ARPP19: variants seen among roughly 807,000 people sequenced by gnomAD.
The protein encoded by ARPP19 is cAMP-regulated phosphoprotein 19.
A neutral mutation model predicts 12.0 loss-of-function variants in ARPP19; 8 were observed. The ratio of observed to expected loss-of-function variants is 0.67; its 90% CI spans 0.39 to 1.21. ARPP19 has a LOEUF of 1.21. ARPP19 is among the 50% of genes most tolerant of loss of function. The probability of loss-of-function intolerance (pLI) is 0.01; values close to 1 mark genes in which losing one functional copy is unlikely to be tolerated. For synonymous variants in ARPP19, 47 were observed against 50.4 expected, an observed-to-expected ratio of 0.93 and a Z score of 0.29; for missense variants, 102 against 136.3, an observed-to-expected ratio of 0.75 and a Z score of 1.25.
chr15:52,558,833 C>G (rs3794556), intron 1 of ARPP19, among the ~76,000 whole-genome samples: 14,159 of 150,398 alleles, frequency 0.094, 981 homozygotes, highest in African/African-American at 0.19. Flanking sequence ...CCTTTGTACC[C>G]ACGGGGGGGA....
intron 1 of ARPP19, among the ~76,000 whole-genome samples, chr15:52,558,413 G>A (rs2078001382): frequency 6.7e-6 from 1 of 150,342 alleles, no homozygotes; most frequent in Non-Finnish European, 1.5e-5. Flanking sequence ...TCACACCACT[G>A]CACTCTAGCC....
intron 1 of ARPP19, among the ~76,000 whole-genome samples, chr15:52,559,551 C>G (rs2078013429): frequency 6.6e-6 from 1 of 152,152 alleles, no homozygotes; most frequent in Non-Finnish European, 1.5e-5. Context: ...ATGATTATGC[C>G]TTCTCTAGAA....
At chr15:52,556,997 C>A (rs1595863428) in intron 2 of ARPP19, 103 bp downstream of exon 2, 1 of 1,276,230 alleles carries the variant, frequency 7.8e-7, no homozygotes, top group East Asian at 2.3e-5. Context: ...ATGTACATAC[C>A]TGATAAAGTA....
At chr15:52,562,372 TA>T (rs2078041751) in intron 1 of ARPP19, among the ~76,000 whole-genome samples, 1 of 152,120 alleles carries the variant, frequency 6.6e-6, no homozygotes, top group Admixed American at 6.5e-5. Context: ...AAAAAAATTA[TA>T]AATCTCTAAT....
chr15:52,567,254 A>G (rs1196890415), intron 1 of ARPP19, among the ~76,000 whole-genome samples: 2 of 152,232 alleles, frequency 1.3e-5, no homozygotes, highest in Non-Finnish European at 2.9e-5. Flanking sequence ...AAGCACCTTA[A>G]ATGTTTAATG....
chr15:52,559,569 A>C (rs1018207632), intron 1 of ARPP19, among the ~76,000 whole-genome samples: 1 of 152,194 alleles, frequency 6.6e-6, no homozygotes, highest in Non-Finnish European at 1.5e-5. Context: ...GAATTTTGTC[A>C]AGGGTGATTT....
At chr15:52,568,007 G>A (rs778336325) in intron 1 of ARPP19, among the ~76,000 whole-genome samples, 4 of 152,200 alleles carry the variant, frequency 2.6e-5, no homozygotes, top group Non-Finnish European at 4.4e-5. Flanking sequence ...GGGCAGGGCG[G>A]TGGAAATAAT....
chr15:52,564,225 A>C, intron 1 of ARPP19: 4 of 1,534,932 alleles, frequency 2.6e-6, no homozygotes, highest in Non-Finnish European at 3.5e-6. Context: ...TGCAGAGACC[A>C]AGGGAGCATG....
chr15:52,552,144 C>A, intron 2 of ARPP19, 40 bp from the exon 3 acceptor site: 1 of 1,276,846 alleles, frequency 7.8e-7, no homozygotes, highest in Non-Finnish European at 1.1e-6. Context: ...TAGAGCTTAG[C>A]AATTACTGAT....
At chr15:52,569,042 G>A (rs2078116583), upstream of ARPP19, 2 of 616,790 alleles carry the variant, frequency 3.2e-6, no homozygotes, top group Middle Eastern at 4.0e-4. Context: ...ACACGGAGCC[G>A]CGAAACGCTC....
At chr15:52,557,335 A>G in intron 1 of ARPP19, 113 bp from the exon 2 acceptor site, 1 of 828,438 alleles carries the variant, frequency 1.2e-6, no homozygotes, top group Admixed American at 2.9e-5. Context: ...GTACCACAGC[A>G]TCTGACTAAG....
intron 1 of ARPP19, 146 bp downstream of exon 1, chr15:52,568,702 G>A (rs1345684757): frequency 1.4e-5 from 7 of 515,328 alleles, no homozygotes; most frequent in Non-Finnish European, 2.4e-5. Context: ...GCCAGCGACG[G>A]CGGGAAGCCA....
rs955898706 is a variant in ARPP19 at position 52,547,120 on chromosome 15, A to T, written c.*4814T>A. On this transcript the variant is annotated 3_prime_UTR_variant, in exon 3 of 3. Transcript: ENST00000249822. ...TGCAAAAAAAAAAAAAAAATCAAAG[A>T]TTACAAGTCAGTTTCTTCCTGCATA... 2.0e-5 allele frequency: 3 copies of T among 151,754 alleles called. No individual in the cohort carries two copies. Among genetic ancestry groups the T allele is most frequent in the African/African-American group, 7.3e-5 (3 of 41,330 alleles). The allele number at this position is 151,754 out of a possible 1,614,324, so 9.4% of individuals were successfully genotyped here.
intron 1 of ARPP19, among the ~76,000 whole-genome samples, chr15:52,563,973 T>C (rs950198742): frequency 6.6e-6 from 1 of 152,230 alleles, no homozygotes; most frequent in Admixed American, 6.5e-5. Context: ...AATGTACTTG[T>C]TTCCATAAAG....
upstream of ARPP19, chr15:52,569,348 C>T (rs1206336913): frequency 1.5e-5 from 3 of 200,254 alleles, no homozygotes; most frequent in African/African-American, 2.4e-5. Context: ...CTGTTCTCCT[C>T]GCTCTCCGCT....
chr15:52,549,334 A>G lies in ARPP19; in HGVS notation c.*2600T>C, dbSNP rs1595858741. Reference sequence around the variant, plus strand: ...GATCCAATAGCTTACAAATGTCTTCAATAAACTGAGCTTTGAGGCAGAACA... The same window carrying G: ...GATCCAATAGCTTACAAATGTCTTCGATAAACTGAGCTTTGAGGCAGAACA... On this transcript the variant is annotated 3_prime_UTR_variant, in exon 3 of 3. Coordinates refer to ENST00000249822, the MANE Select transcript of ARPP19 (RefSeq NM_006628.6). The G allele has an allele frequency of 1.3e-5, 2 of 152,644 alleles. No individual in the cohort carries two copies. Among genetic ancestry groups the G allele is most frequent in the Middle Eastern group, 6.8e-3 (2 of 294 alleles). The allele number at this position is 152,644 out of a possible 1,614,324, so 9.5% of individuals were successfully genotyped here. A position where few individuals can be genotyped will look rare whatever the true frequency, so the allele number is the denominator to read the frequency against.
chr15:52,566,802 A>G (rs915618498), intron 1 of ARPP19, among the ~76,000 whole-genome samples: 1 of 149,170 alleles, frequency 6.7e-6, no homozygotes, highest in South Asian at 2.1e-4. Context: ...ATGTTTGTAC[A>G]TATTGTTTCC....
chr15:52,556,138 A>G (rs1220260966), intron 2 of ARPP19, among the ~76,000 whole-genome samples: 1 of 151,980 alleles, frequency 6.6e-6, no homozygotes, highest in Non-Finnish European at 1.5e-5. Context: ...ATACCATTCT[A>G]TTTTTTGCCA....
intron 1 of ARPP19, 77 bp downstream of exon 1, chr15:52,568,771 C>A: frequency 9.1e-7 from 1 of 1,095,892 alleles, no homozygotes; most frequent in Non-Finnish European, 1.3e-6. Flanking sequence ...CGGGCGCGGC[C>A]CTCCGCCTGG....
Sources: gnomAD v4.1 joint callset for allele counts (sites outside exome capture counted in the v4.1 genomes callset) on GRCh38, gnomAD v4.1.1 for gene constraint, MANE v1.5 for transcripts, NCBI Gene and HGNC (gene_info 2026-07-23, HGNC 2026-07-21) for gene names.